The following LGALS9 variants were observed in gnomAD, a reference collection of about 807,000 sequenced individuals.
LGALS9 encodes the protein galectin-9.
Under a neutral mutation model 35.9 loss-of-function variants are expected in LGALS9, and 26 were observed. That is an observed-to-expected ratio of 0.72 (90% CI 0.53 to 1.01). The LOEUF (loss-of-function observed/expected upper bound fraction) is 1.01. Ranked by LOEUF, LGALS9 falls within the 50% of genes least tolerant of loss-of-function variation. The pLI is 0.00. For missense variants in LGALS9, 347 were observed against 445.8 expected, an observed-to-expected ratio of 0.78 and a Z score of 1.99; for synonymous variants, 149 against 172.2, an observed-to-expected ratio of 0.87 and a Z score of 1.06.
rs909050673 is a variant in LGALS9, at chr17:27,649,186, G to A, written c.*204G>A. 9 of 763,818 alleles carry A rather than the reference G, an allele frequency of 1.2e-5. No homozygotes were observed. Among genetic ancestry groups the A allele is most frequent in the Non-Finnish European group, 1.9e-5 (9 of 474,428 alleles). The allele number at this position is 763,818 out of a possible 1,614,324, so 47.3% of individuals were successfully genotyped here. A position where few individuals can be genotyped will look rare whatever the true frequency, so the allele number is the denominator to read the frequency against. Reference sequence around the variant, plus strand: ...CTGACGGGGATTGCCTTCCTCAGCCGCAGCAGCACCTGGGGCTCCAGCTGC... The same window carrying A: ...CTGACGGGGATTGCCTTCCTCAGCCACAGCAGCACCTGGGGCTCCAGCTGC... On this transcript the variant is annotated 3_prime_UTR_variant, in exon 11 of 11. Transcript: ENST00000395473.
At chr17:27,647,890 G>A (rs1905062692) in intron 10 of LGALS9, among the ~76,000 whole-genome samples, 1 of 152,258 alleles carries the variant, frequency 6.6e-6, no homozygotes. Flanking sequence ...GATTGTCACA[G>A]ATAACGACAG....
chr17:27,639,011 G>A (rs1429747027), intron 2 of LGALS9, among the ~76,000 whole-genome samples: 1 of 152,112 alleles, frequency 6.6e-6, no homozygotes, highest in Non-Finnish European at 1.5e-5. Flanking sequence ...CTGGTTTAGT[G>A]GGGGACCATG....
chr17:27,643,028 C>A (rs191406606), intron 4 of LGALS9, among the ~76,000 whole-genome samples: 3 of 152,202 alleles, frequency 2.0e-5, no homozygotes, highest in East Asian at 3.9e-4. Flanking sequence ...AACAGCAAGA[C>A]CCTGTCTCCA....
chr17:27,646,605 G>T lies in LGALS9; in HGVS notation c.669+17G>T. ...CCCGCCTATGTAAGTGGTTTCTCAG[G>T]GAGGGCAGAGGTTCTGTTTGTGGTG... On this transcript the variant is annotated intron_variant, in intron 8 of 10. Transcript: ENST00000395473. The T allele has an allele frequency of 6.2e-7, 1 of 1,612,950 alleles. No individual in the cohort carries two copies. The highest frequency in any genetic ancestry group is 8.5e-7 in the Non-Finnish European group (1 of 1,179,996).
chr17:27,647,570 A>G, intron 10 of LGALS9, 138 bp downstream of exon 10: 1 of 1,220,438 alleles, frequency 8.2e-7, no homozygotes, highest in Non-Finnish European at 1.1e-6. Flanking sequence ...GAAGGTGGCC[A>G]ACAAATTATT....
At chr17:27,632,253 C>T (rs533341999) in intron 1 of LGALS9, among the ~76,000 whole-genome samples, 52 of 128,608 alleles carry the variant, frequency 4.0e-4, no homozygotes, top group Non-Finnish European at 7.1e-4. Context: ...ATGGGTCCTT[C>T]CTGGGTGGGG....
Position 27,647,127 on chromosome 17 carries a change from AGG to A in LGALS9, c.758+11_758+12del. ...CTGCCCAGTGCTCAGAGGTAAGCCAAGGGCTCCAGTGACCTCTGGGAAGAGAG... is the reference window on the plus strand; with the variant it reads ...CTGCCCAGTGCTCAGAGGTAAGCCAAGCTCCAGTGACCTCTGGGAAGAGAG... On this transcript the variant is annotated intron_variant, in intron 9 of 10. Transcript: ENST00000395473. 1 of 1,614,222 alleles carries A rather than the reference AGG, an allele frequency of 6.2e-7. No individual in the cohort carries two copies. The highest frequency in any genetic ancestry group is 8.5e-7 in the Non-Finnish European group (1 of 1,180,038).
At chr17:27,639,954 T>C (rs1904346865) in intron 2 of LGALS9, among the ~76,000 whole-genome samples, 1 of 152,144 alleles carries the variant, frequency 6.6e-6, no homozygotes, top group African/African-American at 2.4e-5. Context: ...GCCAGGATGG[T>C]CTCGAACTCC....
intron 2 of LGALS9, among the ~76,000 whole-genome samples, chr17:27,639,076 C>T (rs1406459098): frequency 6.6e-6 from 1 of 152,172 alleles, no homozygotes; most frequent in Non-Finnish European, 1.5e-5. Flanking sequence ...GGACTCATGA[C>T]TCTCTCTCGG....
chr17:27,642,169 A>G (rs1567916007), intron 3 of LGALS9, 69 bp from the exon 4 acceptor site: 2 of 1,571,206 alleles, frequency 1.3e-6, no homozygotes, highest in African/African-American at 2.7e-5. Flanking sequence ...AAGAGGGTCC[A>G]GGAGCTCAGG....
chr17:27,645,416 G>A (rs1904859662), intron 6 of LGALS9, 67 bp downstream of exon 6: 1 of 1,599,622 alleles, frequency 6.3e-7, no homozygotes, highest in African/African-American at 1.4e-5. Flanking sequence ...GAGGAGGCAG[G>A]GCCAGGCATT....
At chr17:27,648,726 G>T (rs113832629) in intron 10 of LGALS9, 110 bp from the exon 11 acceptor site, 2 of 1,548,874 alleles carry the variant, frequency 1.3e-6, no homozygotes, top group South Asian at 1.2e-5. Flanking sequence ...CAGGTGAGGG[G>T]CTTATTAACA....
Position 27,645,915 on chromosome 17 carries a change from A to C in LGALS9, c.627+4A>C. ...CGCCCCTGGACAGATGTTCTCTGTAAGTCTACAAGTTCTGGTCAGTTCACA... is the reference window on the plus strand; with the variant it reads ...CGCCCCTGGACAGATGTTCTCTGTACGTCTACAAGTTCTGGTCAGTTCACA... On this transcript the variant is annotated splice_donor_region_variant and intron_variant, in intron 7 of 10. Transcript: ENST00000395473. The C allele has an allele frequency of 1.2e-6, 2 of 1,600,746 alleles. No homozygotes were observed. The highest frequency in any genetic ancestry group is 8.6e-7 in the Non-Finnish European group (1 of 1,169,086).
In LGALS9 at chr17:27,643,482, A is replaced by G. The variant is rs756434444; in HGVS notation, c.445-43A>G. ...TGCCTTTCGGCTTCTCCTTGGCTCT[A>G]TTAATGCTTCTCCTCACTGCCCGGT... On this transcript the variant is annotated intron_variant, in intron 4 of 10. Transcript: ENST00000395473. The G allele has an allele frequency of 4.3e-6, 7 of 1,609,630 alleles. No individual in the cohort carries two copies. In the East Asian group the frequency reaches 1.1e-4, roughly 26 times the overall value.
At chr17:27,640,029 C>A (rs1212320582) in intron 2 of LGALS9, among the ~76,000 whole-genome samples, 1 of 146,574 alleles carries the variant, frequency 6.8e-6, no homozygotes, top group Non-Finnish European at 1.5e-5. Context: ...AGCCATCATG[C>A]CCAGCCAATT....
chr17:27,632,951 G>C lies in LGALS9; in HGVS notation c.39+1647G>C, dbSNP rs9916889. On this transcript the variant is annotated intron_variant, in intron 1 of 10. Transcript: ENST00000395473. ...TCGCTGTCCTGCTGAGGAGGGCTGA[G>C]TGCCATGAGGGCCTGGCTTGGAAAC... Among the ~76,000 whole-genome samples, 227 of 152,242 alleles carry C rather than the reference G, an allele frequency of 1.5e-3. 1 individual carries two copies. Among genetic ancestry groups the C allele is most frequent in the African/African-American group, 4.6e-3 (192 of 41,560 alleles).
At chr17:27,637,527 G>A (rs1266474754) in intron 1 of LGALS9, among the ~76,000 whole-genome samples, 1 of 152,214 alleles carries the variant, frequency 6.6e-6, no homozygotes, top group East Asian at 1.9e-4. Context: ...GTGGTTGCCC[G>A]TGGGGCCTGG....
chr17:27,641,114 T>A (rs1423856457), intron 3 of LGALS9: 3 of 470,740 alleles, frequency 6.4e-6, no homozygotes, highest in Non-Finnish European at 8.3e-6. Flanking sequence ...CATTTATTTT[T>A]CAGCGACATC....
intron 1 of LGALS9, among the ~76,000 whole-genome samples, chr17:27,637,027 C>T (rs1193249201): frequency 6.6e-6 from 1 of 151,950 alleles, no homozygotes; most frequent in African/African-American, 2.4e-5. Flanking sequence ...TGCCTGGCTC[C>T]TTTAGGCATT....
Sources: gnomAD v4.1 joint callset for allele counts (sites outside exome capture counted in the v4.1 genomes callset) on GRCh38, gnomAD v4.1.1 for gene constraint, MANE v1.5 for transcripts, NCBI Gene and HGNC (gene_info 2026-07-23, HGNC 2026-07-21) for gene names.